FAM227B: variants seen among roughly 807,000 people sequenced by gnomAD.
FAM227B encodes protein FAM227B.
A neutral mutation model predicts 73.8 loss-of-function variants in FAM227B; 88 were observed. The observed-to-expected ratio is 1.19, with a 90% CI of 1.00 to 1.42. The LOEUF is 1.42. FAM227B is among the 40% of genes most tolerant of loss of function. FAM227B has a pLI of 0.00. For missense variants in FAM227B, 632 were observed against 590.9 expected, an observed-to-expected ratio of 1.07 and a Z score of -0.72; for synonymous variants, 210 against 190.5, an observed-to-expected ratio of 1.10 and a Z score of -0.84.
At chr15:49,553,273 A>G (rs55946782) in intron 9 of FAM227B, among the ~76,000 whole-genome samples, 2,246 of 152,260 alleles carry the variant, frequency 0.015, 74 homozygotes, top group African/African-American at 0.052. Flanking sequence ...ACTTTATCCC[A>G]AACATACAGA....
intron 10 of FAM227B, among the ~76,000 whole-genome samples, chr15:49,521,688 G>C (rs562751079): frequency 6.6e-6 from 1 of 152,276 alleles, no homozygotes; most frequent in Non-Finnish European, 1.5e-5. Context: ...TCTTCCCCAG[G>C]CCATTTTGGT....
At chr15:49,508,438 A>G (rs2058737128) in intron 10 of FAM227B, 90 bp from the exon 11 acceptor site, 1 of 1,187,968 alleles carries the variant, frequency 8.4e-7, no homozygotes, top group South Asian at 1.7e-5. Context: ...ATAATTATAC[A>G]TTTCATCCTC....
intron 10 of FAM227B, among the ~76,000 whole-genome samples, chr15:49,534,312 GC>G: frequency 6.6e-6 from 1 of 151,846 alleles, no homozygotes; most frequent in South Asian, 2.1e-4. Flanking sequence ...CATGAATTTG[GC>G]AAGAACACTC....
At chr15:49,395,874 T>C in intron 11 of FAM227B, 2 of 450,856 alleles carry the variant, frequency 4.4e-6, no homozygotes, top group Non-Finnish European at 8.9e-6. Flanking sequence ...TCTCTCTAAA[T>C]TTTCATGGCT....
chr15:49,533,360 G>T (rs1439302250), intron 10 of FAM227B, among the ~76,000 whole-genome samples: 1 of 151,934 alleles, frequency 6.6e-6, no homozygotes, highest in African/African-American at 2.4e-5. Context: ...GCTTTGGATG[G>T]AATGTTCTGT....
chr15:49,490,888 G>C (rs1451199278), intron 11 of FAM227B, among the ~76,000 whole-genome samples: 1 of 151,502 alleles, frequency 6.6e-6, no homozygotes, highest in African/African-American at 2.4e-5. Flanking sequence ...ATTATTTTTG[G>C]TTATTTCAAT....
intron 11 of FAM227B, among the ~76,000 whole-genome samples, chr15:49,442,651 A>C (rs2051777978): frequency 6.6e-6 from 1 of 151,686 alleles, no homozygotes; most frequent in Non-Finnish European, 1.5e-5. Context: ...ACATGAATGC[A>C]GTGTCTTTTA....
chr15:49,516,571 C>G (rs1317323072), intron 10 of FAM227B, among the ~76,000 whole-genome samples: 1 of 151,906 alleles, frequency 6.6e-6, no homozygotes, highest in African/African-American at 2.4e-5. Context: ...TATCTAAATC[C>G]TAGGCAGAAG....
chr15:49,346,460 G>A (rs951460792), intron 13 of FAM227B, among the ~76,000 whole-genome samples: 5 of 152,058 alleles, frequency 3.3e-5, no homozygotes, highest in Non-Finnish European at 7.4e-5. Context: ...ATATCCCTAA[G>A]CCTTATTTTA....
chr15:49,599,521 T>A (rs2077066960), intron 3 of FAM227B, among the ~76,000 whole-genome samples: 2 of 152,110 alleles, frequency 1.3e-5, no homozygotes, highest in Non-Finnish European at 2.9e-5. Flanking sequence ...ACTTGAGATA[T>A]AAGTTAGATT....
intron 10 of FAM227B, among the ~76,000 whole-genome samples, chr15:49,536,083 A>G (rs996878647): frequency 1.3e-5 from 2 of 150,764 alleles, no homozygotes; most frequent in African/African-American, 4.9e-5. Context: ...AAAAAAAAAA[A>G]AAAAAAAGAA....
intron 11 of FAM227B, among the ~76,000 whole-genome samples, chr15:49,453,796 A>G (rs2151896901): frequency 6.6e-6 from 1 of 152,192 alleles, no homozygotes; most frequent in Non-Finnish European, 1.5e-5. Context: ...AGGAAATTCA[A>G]TTTCAGCACG....
At chr15:49,619,397 C>CAATTTT (rs1166633722) in intron 1 of FAM227B, among the ~76,000 whole-genome samples, 1 of 152,124 alleles carries the variant, frequency 6.6e-6, no homozygotes, top group Non-Finnish European at 1.5e-5. Context: ...AAAGGTCAGG[C>CAATTTT]AATTTTTGCC....
intron 11 of FAM227B, chr15:49,489,221 T>A (rs991009802): frequency 1.1e-5 from 11 of 984,268 alleles, no homozygotes; most frequent in Non-Finnish European, 1.2e-6. Context: ...ATCCAAGTCA[T>A]AAACTAGGTG....
At chr15:49,365,854 G>A in intron 13 of FAM227B, 4 of 900,838 alleles carry the variant, frequency 4.4e-6, no homozygotes, top group South Asian at 3.9e-5. Flanking sequence ...ACACTCAATT[G>A]TGCATTGTCC....
intron 11 of FAM227B, among the ~76,000 whole-genome samples, chr15:49,394,143 C>T (rs942903427): frequency 6.6e-6 from 1 of 152,112 alleles, no homozygotes; most frequent in Non-Finnish European, 1.5e-5. Context: ...AACAGTCCTT[C>T]TCTAATGATT....
intron 11 of FAM227B, among the ~76,000 whole-genome samples, chr15:49,450,273 T>G (rs1166077748): frequency 6.6e-6 from 1 of 152,148 alleles, no homozygotes; most frequent in Non-Finnish European, 1.5e-5. Context: ...TCATCATCTT[T>G]TAGCAGTTTC....
chr15:49,448,515 CTAACA>C (rs1010526413), intron 11 of FAM227B, among the ~76,000 whole-genome samples: 49 of 151,424 alleles, frequency 3.2e-4, no homozygotes, highest in African/African-American at 9.9e-4. Context: ...TAAAAAACTC[CTAACA>C]TAAGTTAATC....
chr15:49,497,527 TC>T (rs1314501560), intron 11 of FAM227B, among the ~76,000 whole-genome samples: 1 of 152,180 alleles, frequency 6.6e-6, no homozygotes, highest in Non-Finnish European at 1.5e-5. Context: ...GGGGAGGCAC[TC>T]ACTGACCACT....
Sources: gnomAD v4.1 joint callset for allele counts (sites outside exome capture counted in the v4.1 genomes callset) on GRCh38, gnomAD v4.1.1 for gene constraint, MANE v1.5 for transcripts, NCBI Gene and HGNC (gene_info 2026-07-23, HGNC 2026-07-21) for gene names.